Variants in SPNS2 observed in about 807,000 individuals in gnomAD.
SPNS2 encodes the protein sphingosine-1-phosphate transporter SPNS2.
Under a neutral mutation model 57.6 loss-of-function variants are expected in SPNS2, and 37 were observed. That is an observed-to-expected ratio of 0.64 (90% CI 0.49 to 0.85). SPNS2 has a LOEUF of 0.85. SPNS2 is among the 40% of genes least tolerant of loss of function. The pLI is 0.00. For missense variants in SPNS2, 831 were observed against 779.1 expected, an observed-to-expected ratio of 1.07 and a Z score of -0.79; for synonymous variants, 440 against 346.9, an observed-to-expected ratio of 1.27 and a Z score of -2.98.
intron 1 of SPNS2, among the ~76,000 whole-genome samples, chr17:4,502,888 C>A (rs751151703): frequency 6.6e-6 from 1 of 152,194 alleles, no homozygotes; most frequent in Admixed American, 6.5e-5. Context: ...TGGTCTCCAT[C>A]CTGGGAACTC....
rs1016995686 is a variant in SPNS2 at position 4,499,204 on chromosome 17, G to T, written c.157G>T (p.Ala53Ser). 2 of 1,387,750 alleles carry T rather than the reference G, an allele frequency of 1.4e-6. No homozygotes were observed. The highest frequency in any genetic ancestry group is 1.9e-6 in the Non-Finnish European group (2 of 1,071,404). The allele number at this position is 1,387,750 out of a possible 1,614,324, so 86.0% of individuals were successfully genotyped here. Residue 53 changes from alanine (A) to serine (S), a missense_variant, in exon 1 of 13, where the codon GCG (alanine) becomes TCG (serine). This residue lies in a region of SPNS2 where 305 missense variants were observed against 378.3 expected (regional missense o/e 0.81). Transcript: ENST00000329078. The surrounding 1 kb of genome is among the most constrained non-coding windows in gnomAD (Gnocchi z 5.2). ...CGCGGGCGGCGCTGGAGTCTCGGCC[G>T]CGGGCGATGAGGTGCAGACGCTGTC... is the stretch of plus-strand genomic sequence containing the variant. ...RGAGGAGVSAAGDEVQTLSGS... is the reference protein window; with the variant it reads ...RGAGGAGVSASGDEVQTLSGS...
chr17:4,526,976 G>T (rs893847345), intron 3 of SPNS2, among the ~76,000 whole-genome samples: 1 of 152,176 alleles, frequency 6.6e-6, no homozygotes, highest in Non-Finnish European at 1.5e-5. Flanking sequence ...ACCTTGTCTT[G>T]CCCCTGGCCA....
intron 3 of SPNS2, among the ~76,000 whole-genome samples, chr17:4,530,117 G>T (rs2144359248): frequency 6.6e-6 from 1 of 152,352 alleles, no homozygotes. Context: ...GTGTGCAGGG[G>T]GAGGGGCTCT....
At position 4,533,814 on chromosome 17, in the gene SPNS2, G is replaced by A; in HGVS notation, c.1305G>A (p.Leu435=). ...AYICIFVGET[L]LFSNWAITAD... The stretch of plus-strand genomic sequence containing the variant: ...TCTGTATCTTCGTCGGGGAGACGCT[G>A]CTGTTTTCTAACTGGGCCATCACTG... Residue 435 remains leucine, a synonymous_variant, in exon 9 of 13, where the codon CTG becomes CTA. Coordinates refer to ENST00000329078, the MANE Select transcript of SPNS2 (RefSeq NM_001124758.3). 3.1e-6 allele frequency: 5 copies of A among 1,613,656 alleles called. No homozygotes were observed. Among genetic ancestry groups the A allele is most frequent in the Non-Finnish European group, 4.2e-6 (5 of 1,180,022 alleles).
chr17:4,524,957 C>T, intron 2 of SPNS2, 100 bp from the exon 3 acceptor site: 2 of 1,526,202 alleles, frequency 1.3e-6, no homozygotes, highest in Non-Finnish European at 1.8e-6. Flanking sequence ...TCCTTGGTCC[C>T]TTTGCTCCAC....
At chr17:4,535,493 G>C (rs549583226) in intron 9 of SPNS2, among the ~76,000 whole-genome samples, 1 of 152,286 alleles carries the variant, frequency 6.6e-6, no homozygotes. Context: ...CAGTGTCCCC[G>C]TGACCCAGGT....
chr17:4,532,440 G>A (rs1905528815), intron 5 of SPNS2, 102 bp from the exon 6 acceptor site: 1 of 1,543,390 alleles, frequency 6.5e-7, no homozygotes, highest in African/African-American at 1.4e-5. Flanking sequence ...CAGAGGAGAA[G>A]CCTATGGCCC....
At position 4,538,627 on chromosome 17, in the gene SPNS2, GGGGGT is replaced by G. The variant is rs905061476; in HGVS notation, c.*1189_*1193del. The G allele has an allele frequency of 5.6e-5, 27 of 485,328 alleles. No individual in the cohort carries two copies. Among genetic ancestry groups the G allele is most frequent in the African/African-American group, 3.7e-4 (19 of 51,024 alleles). The allele number at this position is 485,328 out of a possible 1,614,324, so 30.1% of individuals were successfully genotyped here. On this transcript the variant is annotated 3_prime_UTR_variant, in exon 13 of 13. Coordinates refer to ENST00000329078, the MANE Select transcript of SPNS2 (RefSeq NM_001124758.3). ...GCTGCAATCAAGGTGGTTCTGGTGC[GGGGGT>G]GGGGTGGGGGGTGAGGCCTTGTGGC...
chr17:4,527,216 G>A (rs1338455799), intron 3 of SPNS2, among the ~76,000 whole-genome samples: 1 of 152,224 alleles, frequency 6.6e-6, no homozygotes, highest in Non-Finnish European at 1.5e-5. Flanking sequence ...AAGTTAATTT[G>A]GCAGAGAAAA....
intron 7 of SPNS2, 32 bp from the exon 8 acceptor site, chr17:4,533,211 A>C (rs780582867): frequency 6.3e-7 from 1 of 1,582,732 alleles, no homozygotes; most frequent in Non-Finnish European, 8.6e-7. Flanking sequence ...GAGCCGCCTC[A>C]ACTCGTGCGC....
At position 4,512,639 on chromosome 17, in the gene SPNS2, TGTGTGC is replaced by T. The variant is rs1904863197; in HGVS notation, c.371-604_371-599del. On this transcript the variant is annotated intron_variant, in intron 1 of 12. Coordinates refer to ENST00000329078, the MANE Select transcript of SPNS2 (RefSeq NM_001124758.3). This position sits in a 1 kb window ranked among gnomAD's most constrained non-coding sequence, Gnocchi z 5.2. ...AGGGCAGCTGGGGTGACAGTGTGTGTGTGTGCGTGCGCGCGCACGGGTATGTGTGTG... is the reference window on the plus strand; with the variant it reads ...AGGGCAGCTGGGGTGACAGTGTGTGTGTGCGCGCGCACGGGTATGTGTGTG... 6.7e-6 allele frequency among the ~76,000 whole-genome samples: 1 copy of T among 150,328 alleles called. No individual in the cohort carries two copies. Among genetic ancestry groups the T allele is most frequent in the African/African-American group, 2.5e-5 (1 of 40,004 alleles).
chr17:4,504,398 C>A (rs944147762), intron 1 of SPNS2, among the ~76,000 whole-genome samples: 1 of 152,248 alleles, frequency 6.6e-6, no homozygotes, highest in Non-Finnish European at 1.5e-5. Flanking sequence ...CCAGCCCCTC[C>A]GCTGTGCTGT....
intron 2 of SPNS2, 70 bp from the exon 3 acceptor site, chr17:4,524,987 G>A (rs1005328613): frequency 4.9e-5 from 78 of 1,580,558 alleles, no homozygotes; most frequent in African/African-American, 1.1e-4. Flanking sequence ...GCCCCAAGCC[G>A]GAGTGAAATG....
At position 4,499,229 on chromosome 17, in the gene SPNS2, C is replaced by T. The variant is rs1231897455; in HGVS notation, c.182C>T (p.Ser61Leu). 198 of 1,455,512 alleles carry T rather than the reference C, an allele frequency of 1.4e-4. 1 individual carries two copies. The highest frequency in any genetic ancestry group is 2.6e-5 in the Admixed American group (1 of 39,058). The allele number at this position is 1,455,512 out of a possible 1,614,324, so 90.2% of individuals were successfully genotyped here. A position where few individuals can be genotyped will look rare whatever the true frequency, so the allele number is the denominator to read the frequency against. Residue 61 changes from serine (S) to leucine (L), a missense_variant, in exon 1 of 13, where the codon TCG becomes TTG. By Grantham distance (145) the Ser-to-Leu change is moderately radical. Coordinates refer to ENST00000329078, the MANE Select transcript of SPNS2 (RefSeq NM_001124758.3). This position sits in a 1 kb window ranked among gnomAD's most constrained non-coding sequence, Gnocchi z 5.2. ...SAAGDEVQTL[S>L]GSVRRAPTGP... ...GCGGGCGATGAGGTGCAGACGCTGTCGGGCAGCGTAAGGCGGGCCCCGACC... is the reference window on the plus strand; with the variant it reads ...GCGGGCGATGAGGTGCAGACGCTGTTGGGCAGCGTAAGGCGGGCCCCGACC...
At chr17:4,521,010 TG>T (rs1905125416) in intron 2 of SPNS2, among the ~76,000 whole-genome samples, 1 of 152,218 alleles carries the variant, frequency 6.6e-6, no homozygotes, top group Non-Finnish European at 1.5e-5. Context: ...CGTATATTCT[TG>T]ATGTTAAGTA....
chr17:4,506,214 G>GTCCC, intron 1 of SPNS2, among the ~76,000 whole-genome samples: 1 of 152,212 alleles, frequency 6.6e-6, no homozygotes, highest in East Asian at 1.9e-4. Flanking sequence ...GAGGCGGGGA[G>GTCCC]CAGCAGTCCC....
intron 1 of SPNS2, among the ~76,000 whole-genome samples, chr17:4,506,589 C>A (rs1488691440): frequency 1.3e-5 from 2 of 152,166 alleles, no homozygotes; most frequent in Non-Finnish European, 2.9e-5. Flanking sequence ...CCCGGCAGCC[C>A]GGCCCCGCCC....
intron 9 of SPNS2, among the ~76,000 whole-genome samples, chr17:4,535,586 T>G (rs1905740534): frequency 6.6e-6 from 1 of 152,160 alleles, no homozygotes; most frequent in East Asian, 1.9e-4. Flanking sequence ...CCGTTCCTGA[T>G]GGCTCGGGTA....
At chr17:4,505,648 G>A (rs539300876) in intron 1 of SPNS2, among the ~76,000 whole-genome samples, 14 of 152,250 alleles carry the variant, frequency 9.2e-5, no homozygotes, top group Middle Eastern at 3.2e-3. Context: ...CAGTGAGGCC[G>A]TGTGAGGAAG....
Sources: allele counts gnomAD v4.1 joint callset (sites outside exome capture counted in the v4.1 genomes callset), GRCh38; gene constraint gnomAD v4.1.1; regional missense constraint gnomAD v4.1.1; non-coding constraint Gnocchi (gnomAD v3.1); transcripts MANE v1.5; gene names NCBI Gene and HGNC (gene_info 2026-07-23, HGNC 2026-07-21).